The following ACADL variants were observed in gnomAD, a reference collection of about 807,000 sequenced individuals.
The protein encoded by ACADL is acyl-CoA dehydrogenase long chain, also known as long-chain specific acyl-CoA dehydrogenase, mitochondrial.
Under a neutral mutation model 56.9 loss-of-function variants are expected in ACADL, and 60 were observed. The observed-to-expected ratio is 1.05, with a 90% CI of 0.86 to 1.31. The LOEUF (loss-of-function observed/expected upper bound fraction) is 1.31. Ranked by LOEUF, ACADL falls within the 50% of genes most tolerant of loss-of-function variation. The probability of loss-of-function intolerance (pLI) is 0.00; values close to 1 mark genes in which losing one functional copy is unlikely to be tolerated. For missense variants in ACADL, 484 were observed against 525.5 expected (o/e 0.92, Z 0.77); for synonymous variants, 158 against 179.7 (o/e 0.88, Z 0.97).
chr2:210,205,895 C>T (rs1245759056), intron 5 of ACADL, 99 bp from the exon 6 acceptor site: 1 of 1,400,986 alleles, frequency 7.1e-7, no homozygotes, highest in Non-Finnish European at 1.0e-6. Context: ...CTAAAACAGA[C>T]AAGACATGCT....
intron 4 of ACADL, among the ~76,000 whole-genome samples, chr2:210,212,803 A>G (rs1260305628): frequency 6.6e-6 from 1 of 152,234 alleles, no homozygotes; most frequent in African/African-American, 2.4e-5. Context: ...GGCACTCAAT[A>G]AACATTTGTT....
chr2:210,225,050 C>G (rs953070344), intron 1 of ACADL, 137 bp downstream of exon 1: 123 of 1,492,052 alleles, frequency 8.2e-5, no homozygotes, highest in Non-Finnish European at 1.1e-4. Context: ...GAGGCCAGCT[C>G]TAGCCCGGCG....
intron 2 of ACADL, chr2:210,218,425 T>C: frequency 3.6e-6 from 1 of 280,376 alleles, no homozygotes; most frequent in Non-Finnish European, 6.8e-6. Context: ...AGACTTCAGG[T>C]ACCTGCCACA....
At chr2:210,208,722 G>T (rs371319987) in intron 5 of ACADL, among the ~76,000 whole-genome samples, 62 of 151,932 alleles carry the variant, frequency 4.1e-4, no homozygotes, top group African/African-American at 1.4e-3. Flanking sequence ...TCCTATACTT[G>T]CATTCTATAT....
At chr2:210,210,066 A>G (rs1688952682) in intron 5 of ACADL, 130 bp downstream of exon 5, 1 of 768,792 alleles carries the variant, frequency 1.3e-6, no homozygotes, top group South Asian at 1.5e-5. Flanking sequence ...ACTGTCTCCA[A>G]AACAACTTAG....
intron 3 of ACADL, 199 bp from the exon 4 acceptor site, chr2:210,216,710 A>G (rs142596310): frequency 9.9e-5 from 54 of 544,404 alleles, no homozygotes; most frequent in East Asian, 9.5e-4. Context: ...ACAGTGGTCT[A>G]CCAGAGTTCA....
chr2:210,221,974 C>A (rs1384424339), intron 1 of ACADL, among the ~76,000 whole-genome samples: 1 of 152,178 alleles, frequency 6.6e-6, no homozygotes, highest in Non-Finnish European at 1.5e-5. Context: ...AAGTGATACA[C>A]CCATCTCAGC....
rs773114645 is a variant in ACADL, at chr2:210,225,280, C to G, written c.-17G>C. 6.5e-7 allele frequency: 1 copy of G among 1,548,980 alleles called. No individual in the cohort carries two copies. Among genetic ancestry groups the G allele is most frequent in the South Asian group, 1.2e-5 (1 of 84,502 alleles). The stretch of plus-strand genomic sequence containing the variant: ...TGCGGCCATGTCCGAAACACAGGGG[C>G]GGCGGGGCGACGGAGGCGACTCTGC... On this transcript the variant is annotated 5_prime_UTR_variant, in exon 1 of 11. Coordinates refer to ENST00000233710, the MANE Select transcript of ACADL (RefSeq NM_001608.4).
intron 1 of ACADL, chr2:210,224,540 A>C (rs941765467): frequency 3.0e-6 from 3 of 985,200 alleles, no homozygotes; most frequent in Non-Finnish European, 3.6e-6. Flanking sequence ...TATAAACACC[A>C]CCTTAGTAGT....
intron 4 of ACADL, among the ~76,000 whole-genome samples, chr2:210,214,529 G>GAAAT (rs1559640019): frequency 3.7e-4 from 51 of 138,304 alleles, no homozygotes; most frequent in African/African-American, 1.3e-3. Context: ...AAGAAAGAAA[G>GAAAT]AAATCTGCTT....
chr2:210,211,151 C>A (rs1049688101), intron 4 of ACADL, among the ~76,000 whole-genome samples: 1 of 152,036 alleles, frequency 6.6e-6, no homozygotes, highest in Non-Finnish European at 1.5e-5. Context: ...CAATATTTTT[C>A]TATGGACATA....
At chr2:210,214,735 C>T (rs926957291) in intron 4 of ACADL, among the ~76,000 whole-genome samples, 1 of 152,102 alleles carries the variant, frequency 6.6e-6, no homozygotes, top group Non-Finnish European at 1.5e-5. Context: ...ACATGCTAAC[C>T]ACAGAGCTAA....
intron 8 of ACADL, among the ~76,000 whole-genome samples, chr2:210,198,433 C>G (rs1258007697): frequency 6.6e-6 from 1 of 151,980 alleles, no homozygotes; most frequent in East Asian, 1.9e-4. Flanking sequence ...TATTTTTTTC[C>G]TCTCTATTCC....
intron 4 of ACADL, among the ~76,000 whole-genome samples, chr2:210,214,467 A>AAAAAGAAAGAAAGAAAGAAAGAAAG (rs768537049): frequency 1.1e-4 from 13 of 122,418 alleles, no homozygotes; most frequent in Middle Eastern, 4.0e-3. Context: ...GACCTTCCAA[A>AAAAAGAAAGAAAGAAAGAAAGAAAG]AAAGAAAGAA....
chr2:210,205,834 A>G, intron 5 of ACADL, 38 bp from the exon 6 acceptor site: 1 of 1,609,838 alleles, frequency 6.2e-7, no homozygotes, highest in Non-Finnish European at 8.5e-7. Context: ...GCACCATGAT[A>G]ATTCAATTCT....
At chr2:210,210,511 A>G (rs754989280) in intron 4 of ACADL, among the ~76,000 whole-genome samples, 36 of 152,240 alleles carry the variant, frequency 2.4e-4, no homozygotes, top group Non-Finnish European at 1.8e-4. Context: ...CAGTAGTATA[A>G]CAAAGCCCAA....
At chr2:210,203,211 C>T in intron 8 of ACADL, 120 bp downstream of exon 8, 1 of 731,430 alleles carries the variant, frequency 1.4e-6, no homozygotes, top group Non-Finnish European at 2.5e-6. Context: ...TGATCTCATC[C>T]ACTTCCATGG....
In ACADL at chr2:210,188,981, C is replaced by G. The variant is rs370174318; in HGVS notation, c.1273G>C (p.Glu425Gln). The change falls in exon 11 of 11, where the codon GAG becomes CAG. Residue 425 changes from glutamate (E) to glutamine (Q), a missense_variant. Glu to Gln is a conservative substitution (Grantham distance 29). Coordinates refer to ENST00000233710, the MANE Select transcript of ACADL (RefSeq NM_001608.4). ...NEIMKELIAR[E>Q]IVFDK ...GATGTCTACTTGTCAAAGACAATCT[C>G]TCTTGCAATCAGCTCCTTCATTATT... The G allele has an allele frequency of 1.9e-6, 3 of 1,613,154 alleles. No homozygotes were observed. Among genetic ancestry groups the G allele is most frequent in the Non-Finnish European group, 2.5e-6 (3 of 1,179,310 alleles).
intron 1 of ACADL, among the ~76,000 whole-genome samples, chr2:210,222,254 C>A (rs564741313): frequency 6.4e-4 from 98 of 151,966 alleles, no homozygotes; most frequent in Non-Finnish European, 1.2e-3. Context: ...TATAAATATG[C>A]AAATTGTATA....
Sources: gnomAD v4.1 joint callset for allele counts (sites outside exome capture counted in the v4.1 genomes callset) on GRCh38, gnomAD v4.1.1 for gene constraint, MANE v1.5 for transcripts, NCBI Gene and HGNC (gene_info 2026-07-23, HGNC 2026-07-21) for gene names.